Variants in SYMPK observed in about 807,000 individuals in gnomAD.
The protein encoded by SYMPK is symplekin scaffold protein.
In SYMPK, 49 loss-of-function variants were observed where a neutral mutation model predicts 136.4. The ratio of observed to expected loss-of-function variants is 0.36; its 90% CI spans 0.29 to 0.46. The LOEUF is 0.46. Ranked by LOEUF, SYMPK falls within the 20% of genes least tolerant of loss-of-function variation. The probability of loss-of-function intolerance (pLI) is 1.00; values close to 1 mark genes in which losing one functional copy is unlikely to be tolerated. For synonymous variants in SYMPK, 766 were observed against 713.0 expected (o/e 1.07, Z -1.19); for missense variants, 1,365 against 1,690.0 (o/e 0.81, Z 3.37).
chr19:45,828,296 C>A, intron 14 of SYMPK: 1 of 246,258 alleles, frequency 4.1e-6, no homozygotes, highest in South Asian at 4.8e-5. Flanking sequence ...AGGAGCCACC[C>A]ACACATAGAG....
chr19:45,838,375 T>C (rs1197245996), intron 10 of SYMPK, 86 bp downstream of exon 10: 13 of 1,463,706 alleles, frequency 8.9e-6, no homozygotes, highest in Non-Finnish European at 1.2e-5. Context: ...CTGGAGGAGG[T>C]GGATGGTGTG....
chr19:45,847,961 G>A lies in SYMPK; in HGVS notation c.467C>T (p.Ala156Val). ...KSRVISELQEACWDMVSAMAG... is the reference protein window; with the variant it reads ...KSRVISELQEVCWDMVSAMAG... ...CATGGCAGATACCATGTCCCAGCAG[G>A]CCTCCTGTAGCTCGCTAATGACCCG... Residue 156 changes from alanine (A) to valine (V), a missense_variant, in exon 7 of 27, where the codon GCC becomes GTC. Ala to Val is a moderately conservative substitution (Grantham distance 64). Around this residue, in one of 11 missense-constraint regions of SYMPK, gnomAD observed 237 missense variants for 292.9 expected, o/e 0.81. Coordinates refer to ENST00000245934, the MANE Select transcript of SYMPK (RefSeq NM_004819.3). 2 of 1,606,836 alleles carry A rather than the reference G, an allele frequency of 1.2e-6. No homozygotes were observed. Among genetic ancestry groups the A allele is most frequent in the Non-Finnish European group, 1.7e-6 (2 of 1,174,792 alleles).
rs149701741 is a variant in SYMPK, at chr19:45,846,748, A to G, written c.676+1004T>C. Among the ~76,000 whole-genome samples the G allele has an allele frequency of 6.9e-4, 105 of 152,152 alleles. 1 individual carries two copies. The highest frequency in any genetic ancestry group is 2.4e-3 in the African/African-American group (100 of 41,530). ...GGAAAGCAGGACTGAGGGAGGGGAC[A>G]TTATTCCTTTTGATTCACCCATATT... On this transcript the variant is annotated intron_variant, in intron 7 of 26. Transcript: ENST00000245934.
At chr19:45,841,243 C>T (rs1401093587) in intron 9 of SYMPK, among the ~76,000 whole-genome samples, 1 of 151,756 alleles carries the variant, frequency 6.6e-6, no homozygotes, top group Non-Finnish European at 1.5e-5. Flanking sequence ...CTTGGCCTTC[C>T]AAAATGCTGG....
At chr19:45,836,209 G>A (rs1365263242) in intron 10 of SYMPK, among the ~76,000 whole-genome samples, 3 of 151,646 alleles carry the variant, frequency 2.0e-5, no homozygotes, top group Non-Finnish European at 1.5e-5. Context: ...AGCCTCCCAA[G>A]TAGCGGGGAT....
At chr19:45,818,707 G>A (rs1289167973) in intron 22 of SYMPK, among the ~76,000 whole-genome samples, 5 of 152,106 alleles carry the variant, frequency 3.3e-5, no homozygotes, top group Non-Finnish European at 5.9e-5. Flanking sequence ...AGAAGGCTGG[G>A]GCCGGGGCAT....
rs1483955020 is a variant in SYMPK at position 45,816,004 on chromosome 19, G to A, written c.3534C>T (p.Ala1178=). ...SSSSPSPSPS[A]RPGPPPSEEA... is the part of the protein sequence containing the mutation. ...CCTCAGACGGGGGCGGGCCTGGCCG[G>A]GCCGACGGAGAGGGAGAGGGGGAGG... Residue 1178 remains alanine (A), a synonymous_variant, in exon 26 of 27, where the codon GCC becomes GCT. Transcript: ENST00000245934. The A allele has an allele frequency of 6.2e-7, 1 of 1,601,198 alleles. No homozygotes were observed. The highest frequency in any genetic ancestry group is 8.5e-7 in the Non-Finnish European group (1 of 1,174,540).
chr19:45,832,847 T>TAA (rs1428498725), intron 11 of SYMPK, among the ~76,000 whole-genome samples: 1 of 56,488 alleles, frequency 1.8e-5, no homozygotes, highest in African/African-American at 8.2e-5. Context: ...CCATCTCTAC[T>TAA]AAAAATACAA....
chr19:45,838,325 G>A (rs763016807), intron 10 of SYMPK, 136 bp downstream of exon 10: 15 of 1,106,288 alleles, frequency 1.4e-5, no homozygotes, highest in Non-Finnish European at 1.8e-5. Context: ...AGAACTGTAA[G>A]CCAATTAAAC....
rs576936823 is a variant in SYMPK at position 45,860,016 on chromosome 19, G to C, written c.-13+3042C>G. On this transcript the variant is annotated intron_variant, in intron 1 of 26. Coordinates refer to ENST00000245934, the MANE Select transcript of SYMPK (RefSeq NM_004819.3). ...ATGGTGCCATGAACCTTTAGTCCCA[G>C]CTACTCTGGAGGCTAAGGTGGGAGG... Among the ~76,000 whole-genome samples, 21 of 148,030 alleles carry C rather than the reference G, an allele frequency of 1.4e-4. No individual in the cohort carries two copies. The South Asian group carries it at 4.5e-3, about 32-fold the overall frequency.
At chr19:45,827,965 C>A in intron 14 of SYMPK, 47 bp from the exon 15 acceptor site, 2 of 1,587,132 alleles carry the variant, frequency 1.3e-6, no homozygotes, top group African/African-American at 2.7e-5. Context: ...AAGAGGCCGC[C>A]TGGCTCCCGG....
chr19:45,844,010 G>C lies in SYMPK; in HGVS notation c.847+20C>G, dbSNP rs757328903. The C allele has an allele frequency of 4.1e-5, 60 of 1,464,882 alleles. No individual in the cohort carries two copies. Among genetic ancestry groups the C allele is most frequent in the Admixed American group, 1.1e-4 (5 of 45,358 alleles). 90.7% of individuals were successfully genotyped at this position (1,464,882 alleles called of 1,614,324 possible). ...GCCAGTGAAGAGAAGGCAGGGGGAG[G>C]GGGGAGGACAATGACCTACCATGCA... On this transcript the variant is annotated intron_variant, in intron 8 of 26. Coordinates refer to ENST00000245934, the MANE Select transcript of SYMPK (RefSeq NM_004819.3).
intron 9 of SYMPK, among the ~76,000 whole-genome samples, chr19:45,838,922 C>T (rs1179101628): frequency 1.3e-5 from 2 of 152,150 alleles, no homozygotes; most frequent in Non-Finnish European, 2.9e-5. Context: ...CAGTCTTGCT[C>T]GTCACCGAGG....
intron 13 of SYMPK, 70 bp from the exon 14 acceptor site, chr19:45,829,275 G>T: frequency 7.5e-7 from 1 of 1,340,950 alleles, no homozygotes; most frequent in Non-Finnish European, 1.0e-6. Context: ...CGTGCCCTGC[G>T]ACTTCTCCCA....
intron 10 of SYMPK, 28 bp downstream of exon 10, chr19:45,838,433 G>T: frequency 6.3e-7 from 1 of 1,598,882 alleles, no homozygotes; most frequent in East Asian, 2.3e-5. Flanking sequence ...TCCTGCCCAG[G>T]GGGAAAACGC....
At position 45,854,448 on chromosome 19, in the gene SYMPK, T is replaced by A; in HGVS notation, c.48A>T (p.Ser16=). Residue 16 remains serine (S), a synonymous_variant, in exon 2 of 27, where the codon TCA becomes TCT. Transcript: ENST00000245934. ...GCCCCTCCTCTTGAGTGAAAAACTG[T>A]GATGCCACGCTCCGACGGGTGACGC... is the stretch of plus-strand genomic sequence containing the variant. ...GDSVTRRSVA[S]QFFTQEEGPG... is the part of the protein sequence containing the mutation. The A allele has an allele frequency of 6.2e-7, 1 of 1,614,110 alleles. No homozygotes were observed. The highest frequency in any genetic ancestry group is 8.5e-7 in the Non-Finnish European group (1 of 1,180,014).
chr19:45,844,765 A>G (rs1367656904), intron 7 of SYMPK, among the ~76,000 whole-genome samples: 1 of 152,198 alleles, frequency 6.6e-6, no homozygotes, highest in African/African-American at 2.4e-5. Flanking sequence ...CACACAACTC[A>G]AAGTCCCTTG....
intron 9 of SYMPK, among the ~76,000 whole-genome samples, chr19:45,841,324 C>T (rs1971430922): frequency 6.8e-6 from 1 of 146,232 alleles, no homozygotes; most frequent in Non-Finnish European, 1.5e-5. Context: ...CAGAGTTTCA[C>T]TCTTGTCACC....
At chr19:45,820,773 G>C (rs1970870075) in intron 22 of SYMPK, 1 of 230,304 alleles carries the variant, frequency 4.3e-6, no homozygotes, top group Non-Finnish European at 8.4e-6. Context: ...GCTTGGCCCT[G>C]AGTAAGTCAC....
Sources: gnomAD v4.1 joint callset for allele counts (sites outside exome capture counted in the v4.1 genomes callset) on GRCh38, gnomAD v4.1.1 for gene constraint, gnomAD v4.1.1 regional missense constraint, MANE v1.5 for transcripts, NCBI Gene and HGNC (gene_info 2026-07-23, HGNC 2026-07-21) for gene names.